The following NCK2 variants were observed in gnomAD, a reference collection of about 807,000 sequenced individuals.
NCK2 encodes the protein NCK adaptor protein 2, also known as cytoplasmic protein NCK2.
A neutral mutation model predicts 33.9 loss-of-function variants in NCK2; 16 were observed. The observed-to-expected ratio is 0.47, with a 90% CI of 0.32 to 0.72. NCK2 has a LOEUF of 0.72. NCK2 is among the 30% of genes least tolerant of loss of function. The pLI is 0.03. For synonymous variants in NCK2, 273 were observed against 239.9 expected (o/e 1.14, Z -1.27); for missense variants, 418 against 537.3 (o/e 0.78, Z 2.19).
intron 1 of NCK2, among the ~76,000 whole-genome samples, chr2:105,761,095 A>T (rs1296596482): frequency 6.6e-6 from 1 of 152,052 alleles, no homozygotes; most frequent in Non-Finnish European, 1.5e-5. Flanking sequence ...CCTCTCATAG[A>T]TGGGGGCCAG....
chr2:105,768,381 G>T (rs762827810), intron 1 of NCK2, among the ~76,000 whole-genome samples: 22 of 152,158 alleles, frequency 1.4e-4, no homozygotes, highest in African/African-American at 4.8e-4. Context: ...TTCAGGGTTC[G>T]TGCCGGCCTC....
intron 2 of NCK2, among the ~76,000 whole-genome samples, chr2:105,851,052 G>C (rs1401240248): frequency 6.6e-6 from 1 of 152,192 alleles, no homozygotes; most frequent in East Asian, 1.9e-4. Flanking sequence ...AGAAAAGACC[G>C]AAGCCTGTGA....
intron 1 of NCK2, among the ~76,000 whole-genome samples, chr2:105,798,052 A>G (rs558044628): frequency 4.4e-4 from 67 of 152,328 alleles, no homozygotes; most frequent in Non-Finnish European, 4.4e-5. Context: ...GTTTTGATCC[A>G]TCTATTTTAG....
Position 105,745,082 on chromosome 2 carries a change from C to A in NCK2, c.-257C>A, listed in dbSNP as rs1220028782. On this transcript the variant is annotated 5_prime_UTR_variant, in exon 1 of 5. Transcript: ENST00000233154. Reference sequence around the variant, plus strand: ...CGGCGCCTGGGCGGGCGCAGCGCGGCCACCGCCCCGGGACCCGCGCCGCTG... The same window carrying A: ...CGGCGCCTGGGCGGGCGCAGCGCGGACACCGCCCCGGGACCCGCGCCGCTG... The A allele has an allele frequency of 3.4e-5, 5 of 147,174 alleles. No individual in the cohort carries two copies. Among genetic ancestry groups the A allele is most frequent in the Non-Finnish European group, 7.6e-5 (5 of 66,140 alleles). 9.1% of individuals were successfully genotyped at this position (147,174 alleles called of 1,614,324 possible).
intron 3 of NCK2, among the ~76,000 whole-genome samples, chr2:105,863,391 G>A (rs528797959): frequency 4.5e-4 from 69 of 152,226 alleles, no homozygotes; most frequent in African/African-American, 1.3e-3. Context: ...TGGAAATCCC[G>A]TCTGAGCCAC....
intron 1 of NCK2, among the ~76,000 whole-genome samples, chr2:105,797,552 G>A (rs1425392380): frequency 2.6e-5 from 4 of 152,224 alleles, no homozygotes; most frequent in Non-Finnish European, 5.9e-5. Flanking sequence ...TCTCTTGACA[G>A]CGTCTTAGGG....
At chr2:105,798,054 CTATT>C (rs2104440604) in intron 1 of NCK2, among the ~76,000 whole-genome samples, 1 of 152,254 alleles carries the variant, frequency 6.6e-6, no homozygotes, top group African/African-American at 2.4e-5. Context: ...TTTGATCCAT[CTATT>C]TTAGACTCAA....
At chr2:105,756,943 T>C (rs754417101) in intron 1 of NCK2, among the ~76,000 whole-genome samples, 7 of 152,082 alleles carry the variant, frequency 4.6e-5, no homozygotes, top group Non-Finnish European at 8.8e-5. Context: ...GTAGCTGGGA[T>C]TACAGGCATA....
At chr2:105,800,186 C>CG (rs1478659375) in intron 1 of NCK2, among the ~76,000 whole-genome samples, 1 of 152,196 alleles carries the variant, frequency 6.6e-6, no homozygotes, top group East Asian at 1.9e-4. Context: ...GTCTCCGGCA[C>CG]GGGGGCCACA....
intron 1 of NCK2, among the ~76,000 whole-genome samples, chr2:105,771,711 G>C (rs572865538): frequency 2.6e-5 from 4 of 152,346 alleles, no homozygotes; most frequent in African/African-American, 9.6e-5. Flanking sequence ...AGAGGCTACT[G>C]AGATTTGCTT....
In NCK2 at chr2:105,828,910, G is replaced by C. The variant is rs945956843; in HGVS notation, c.-17+12297G>C. Among the ~76,000 whole-genome samples, 5 of 152,144 alleles carry C rather than the reference G, an allele frequency of 3.3e-5. No individual in the cohort carries two copies. The East Asian group carries it at 7.7e-4, about 23-fold the overall frequency. The stretch of plus-strand genomic sequence containing the variant: ...ATGAGCTCACACACTCCATCTCTCT[G>C]AGGCTTCCACCTTTCCCAAAATAGG... On this transcript the variant is annotated intron_variant, in intron 2 of 4. Transcript: ENST00000233154.
chr2:105,750,387 T>C (rs13030743), intron 1 of NCK2, among the ~76,000 whole-genome samples: 37,739 of 152,164 alleles, frequency 0.25, 5,448 homozygotes, highest in Middle Eastern at 0.36. Context: ...CCAAATATAG[T>C]CACTTAGGGG....
intron 1 of NCK2, among the ~76,000 whole-genome samples, chr2:105,784,652 T>C (rs1360598000): frequency 6.6e-6 from 1 of 152,234 alleles, no homozygotes; most frequent in Non-Finnish European, 1.5e-5. Context: ...GGCAGGCAGT[T>C]ACAAATGCTT....
chr2:105,810,640 A>C (rs568560073), intron 1 of NCK2, among the ~76,000 whole-genome samples: 1 of 152,350 alleles, frequency 6.6e-6, no homozygotes, highest in South Asian at 2.1e-4. Context: ...ATGTATAGCA[A>C]GGTTTTTATG....
intron 1 of NCK2, among the ~76,000 whole-genome samples, chr2:105,782,176 C>G (rs1690520884): frequency 6.6e-6 from 1 of 152,202 alleles, no homozygotes; most frequent in Non-Finnish European, 1.5e-5. Flanking sequence ...TCTTTCCCCT[C>G]TCTTTATAGG....
intron 1 of NCK2, among the ~76,000 whole-genome samples, chr2:105,785,835 C>T (rs1690660524): frequency 1.3e-5 from 2 of 152,116 alleles, no homozygotes; most frequent in Non-Finnish European, 2.9e-5. Flanking sequence ...ATTTATTTAG[C>T]TGTTCTCATT....
chr2:105,782,908 A>C (rs1401264009), intron 1 of NCK2, among the ~76,000 whole-genome samples: 1 of 152,068 alleles, frequency 6.6e-6, no homozygotes, highest in East Asian at 1.9e-4. Flanking sequence ...TACTCCAGAC[A>C]CTTGTGCTCA....
intron 1 of NCK2, among the ~76,000 whole-genome samples, chr2:105,807,780 C>CT (rs1675122665): frequency 9.0e-6 from 1 of 111,284 alleles, no homozygotes; most frequent in Non-Finnish European, 2.0e-5. Flanking sequence ...CCCTCCCTCC[C>CT]TCCCTTCTCT....
chr2:105,790,454 C>T (rs1011897292), intron 1 of NCK2, among the ~76,000 whole-genome samples: 6 of 152,186 alleles, frequency 3.9e-5, no homozygotes, highest in Non-Finnish European at 7.4e-5. Context: ...GTGAGGAGAC[C>T]CCTCTGCAGG....
Sources: allele counts gnomAD v4.1 joint callset (sites outside exome capture counted in the v4.1 genomes callset), GRCh38; gene constraint gnomAD v4.1.1; transcripts MANE v1.5; gene names NCBI Gene and HGNC (gene_info 2026-07-23, HGNC 2026-07-21).